MAPT: variants seen among roughly 807,000 people sequenced by gnomAD.
MAPT encodes the protein microtubule-associated protein tau.
In MAPT, 34 loss-of-function variants were observed where a neutral mutation model predicts 67.9. That is an observed-to-expected ratio of 0.50 (90% CI 0.38 to 0.67). The LOEUF is 0.67. MAPT is among the 30% of genes least tolerant of loss of function. The probability of loss-of-function intolerance (pLI) is 0.00; values close to 1 mark genes in which losing one functional copy is unlikely to be tolerated. For missense variants in MAPT, 881 were observed against 1,115.2 expected, an observed-to-expected ratio of 0.79 and a Z score of 2.99; for synonymous variants, 456 against 464.5, an observed-to-expected ratio of 0.98 and a Z score of 0.23.
rs2074516196 is a variant in MAPT, at chr17:45,996,770, G to A, written c.1998+106G>A. On this transcript the variant is annotated intron_variant, in intron 9 of 12. Transcript: ENST00000262410. The surrounding 1 kb of genome is among the most constrained non-coding windows in gnomAD (Gnocchi z 4.5). ...GCCTGGAGGTGCGCGGTTGAGCGTG[G>A]AGTCGTGGGACTGTGCATGGAGGTG... The A allele has an allele frequency of 1.4e-6, 2 of 1,475,708 alleles. No homozygotes were observed. The highest frequency in any genetic ancestry group is 2.8e-5 in the African/African-American group (2 of 71,612). 91.4% of individuals were successfully genotyped at this position (1,475,708 alleles called of 1,614,324 possible).
At chr17:45,901,126 C>G (rs1218176861) in intron 1 of MAPT, among the ~76,000 whole-genome samples, 1 of 152,158 alleles carries the variant, frequency 6.6e-6, no homozygotes, top group Non-Finnish European at 1.5e-5. Context: ...TTGCACACAC[C>G]CATGTTTAAA....
At chr17:45,901,319 G>C (rs2063598070) in intron 1 of MAPT, among the ~76,000 whole-genome samples, 1 of 152,220 alleles carries the variant, frequency 6.6e-6, no homozygotes, top group Non-Finnish European at 1.5e-5. Flanking sequence ...ATCGGGTTCA[G>C]AGATCTTTCC....
intron 12 of MAPT, among the ~76,000 whole-genome samples, chr17:46,022,563 T>C (rs994887370): frequency 2.0e-5 from 3 of 151,970 alleles, no homozygotes; most frequent in African/African-American, 7.3e-5. Context: ...TGTGTGTGAG[T>C]GTGGATGGAC....
chr17:45,935,033 G>A (rs1404834604), intron 1 of MAPT, among the ~76,000 whole-genome samples: 1 of 152,168 alleles, frequency 6.6e-6, no homozygotes, highest in Non-Finnish European at 1.5e-5. Context: ...AAGCCACTGG[G>A]AAGGTCCGTG....
intron 9 of MAPT, among the ~76,000 whole-genome samples, chr17:46,002,781 T>G (rs2075112021): frequency 6.6e-6 from 1 of 152,066 alleles, no homozygotes; most frequent in Non-Finnish European, 1.5e-5. Flanking sequence ...CCTGTGTGTA[T>G]TGATTTGTTT....
intron 1 of MAPT, among the ~76,000 whole-genome samples, chr17:45,922,569 A>T (rs1201781742): frequency 1.3e-5 from 2 of 151,848 alleles, no homozygotes; most frequent in Non-Finnish European, 2.9e-5. Flanking sequence ...CAATAAAGGT[A>T]TTATTATGTT....
In MAPT at chr17:45,995,753, C is replaced by A. The variant is rs985825034; in HGVS notation, c.1733-646C>A. ...GTGTGGACAGCTAGGGACAGGCAGG[C>A]GTGGAGCAGGCATCCTGTTCTGAAG... On this transcript the variant is annotated intron_variant, in intron 8 of 12. Coordinates refer to ENST00000262410, the MANE Select transcript of MAPT (RefSeq NM_001377265.1). The surrounding 1 kb of genome is among the most constrained non-coding windows in gnomAD (Gnocchi z 4.3). 6.6e-6 allele frequency among the ~76,000 whole-genome samples: 1 copy of A among 152,082 alleles called. No individual in the cohort carries two copies. The highest frequency in any genetic ancestry group is 2.4e-5 in the African/African-American group (1 of 41,412).
In MAPT at chr17:46,014,044, G is replaced by T. The variant is rs1039447221; in HGVS notation, c.2092-199G>T. ...CCTGGGGCAGGGTTGGCAGAATTTC[G>T]ACAACACATTTTTCCACCCTGACTA... On this transcript the variant is annotated intron_variant, in intron 10 of 12. Coordinates refer to ENST00000262410, the MANE Select transcript of MAPT (RefSeq NM_001377265.1). 2.6e-5 allele frequency among the ~76,000 whole-genome samples: 4 copies of T among 152,220 alleles called. No individual in the cohort carries two copies. In the East Asian group the frequency reaches 5.8e-4, roughly 22 times the overall value.
intron 1 of MAPT, among the ~76,000 whole-genome samples, chr17:45,952,085 A>G (rs760696423): frequency 1.3e-5 from 2 of 152,130 alleles, no homozygotes; most frequent in Non-Finnish European, 2.9e-5. Context: ...GATTACAGGG[A>G]TCTGTGGGTG....
intron 3 of MAPT, chr17:45,978,058 C>G (rs910237385): frequency 3.9e-5 from 15 of 382,206 alleles, no homozygotes; most frequent in Non-Finnish European, 5.4e-5. Context: ...AATTGCTTCT[C>G]TGACCTCACT....
chr17:45,930,341 A>G (rs540340161), intron 1 of MAPT, among the ~76,000 whole-genome samples: 2 of 149,594 alleles, frequency 1.3e-5, no homozygotes, highest in Admixed American at 6.7e-5. Context: ...TGGGAGGTAG[A>G]GGTTGCAGTG....
rs2063366331 is a variant in MAPT at position 45,897,878 on chromosome 17, G to A, written c.-18+3192G>A. ...CCCTTAACTGACCCATCCTACAGGA[G>A]ACAGGGAAATGTCTTTCCTACCGCG... On this transcript the variant is annotated intron_variant, in intron 1 of 12. Transcript: ENST00000262410. The surrounding 1 kb of genome is among the most constrained non-coding windows in gnomAD (Gnocchi z 5.0). 6.6e-6 allele frequency: 1 copy of A among 152,208 alleles called. No individual in the cohort carries two copies. Among genetic ancestry groups the A allele is most frequent in the African/African-American group, 2.4e-5 (1 of 41,416 alleles). 9.4% of individuals were successfully genotyped at this position (152,208 alleles called of 1,614,324 possible).
rs1301880858 is a variant in MAPT at position 46,010,619 on chromosome 17, T to C, written c.2091+217T>C. Among the ~76,000 whole-genome samples the C allele has an allele frequency of 6.6e-6, 1 of 152,154 alleles. No individual in the cohort carries two copies. The highest frequency in any genetic ancestry group is 6.5e-5 in the Admixed American group (1 of 15,276). On this transcript the variant is annotated intron_variant, in intron 10 of 12. Coordinates refer to ENST00000262410, the MANE Select transcript of MAPT (RefSeq NM_001377265.1). The surrounding 1 kb of genome is among the most constrained non-coding windows in gnomAD (Gnocchi z 4.7). ...CTTCCTCATATTCTAGGAGGGGGTG[T>C]CCCAGCATTTCTGGGTCCCCCAGCC...
In MAPT at chr17:45,897,998, CTG is replaced by C. The variant is rs1568123052; in HGVS notation, c.-18+3314_-18+3315del. 2 of 112,682 alleles carry C rather than the reference CTG, an allele frequency of 1.8e-5. No homozygotes were observed. The highest frequency in any genetic ancestry group is 9.6e-5 in the Admixed American group (1 of 10,414). 7.0% of individuals were successfully genotyped at this position (112,682 alleles called of 1,614,324 possible). ...CTGTATAAGCATTGTATTATAATTA[CTG>C]TATAAGCTGCTTATATTTACTGTAT... On this transcript the variant is annotated intron_variant, in intron 1 of 12. Coordinates refer to ENST00000262410, the MANE Select transcript of MAPT (RefSeq NM_001377265.1). This position sits in a 1 kb window ranked among gnomAD's most constrained non-coding sequence, Gnocchi z 5.0.
chr17:46,014,368 G>A (rs1196238956), intron 11 of MAPT, 44 bp downstream of exon 11: 2 of 1,378,194 alleles, frequency 1.5e-6, no homozygotes, highest in Non-Finnish European at 2.1e-6. Flanking sequence ...GGGTGCAGGG[G>A]GTGGAGGAGT....
intron 1 of MAPT, among the ~76,000 whole-genome samples, chr17:45,903,819 A>ATATATTATATATTTTT (rs1182909774): frequency 2.8e-4 from 2 of 7,218 alleles, no homozygotes; most frequent in Non-Finnish European, 4.7e-4. Context: ...ATAATATATA[A>ATATATTATATATTTTT]ATATATTATA....
At position 46,026,878 on chromosome 17, in the gene MAPT, G is replaced by A. The variant is rs899951647; in HGVS notation, c.*2707G>A. ...CTCAGGCCCAATTCTGCCACTTCTG[G>A]TTTGGGTACAGTTAAAGGCAACCCT... On this transcript the variant is annotated 3_prime_UTR_variant, in exon 13 of 13. Transcript: ENST00000262410. 16 of 152,128 alleles carry A rather than the reference G, an allele frequency of 1.1e-4. No homozygotes were observed. Among genetic ancestry groups the A allele is most frequent in the African/African-American group, 3.4e-4 (14 of 41,428 alleles). 9.4% of individuals were successfully genotyped at this position (152,128 alleles called of 1,614,324 possible).
At chr17:45,913,629 C>T (rs182982329) in intron 1 of MAPT, among the ~76,000 whole-genome samples, 124 of 152,324 alleles carry the variant, frequency 8.1e-4, no homozygotes, top group African/African-American at 2.9e-3. Flanking sequence ...GCAGATGCTA[C>T]AGGAAGATGC....
intron 1 of MAPT, among the ~76,000 whole-genome samples, chr17:45,954,796 C>T (rs1184010640): frequency 3.3e-5 from 5 of 151,696 alleles, no homozygotes; most frequent in Admixed American, 2.6e-4. Context: ...TTGGCTAACA[C>T]GGTGAAACCC....
Sources: allele counts gnomAD v4.1 joint callset (sites outside exome capture counted in the v4.1 genomes callset), GRCh38; gene constraint gnomAD v4.1.1; non-coding constraint Gnocchi (gnomAD v3.1); transcripts MANE v1.5; gene names NCBI Gene and HGNC (gene_info 2026-07-23, HGNC 2026-07-21).